Variants in SCAP observed in about 807,000 individuals in gnomAD.
The protein encoded by SCAP is SREBF chaperone, also known as sterol regulatory element-binding protein cleavage-activating protein.
A neutral mutation model predicts 123.6 loss-of-function variants in SCAP; 65 were observed. The observed-to-expected ratio is 0.53, with a 90% confidence interval of 0.43 to 0.65. SCAP has a LOEUF of 0.65. Ranked by LOEUF, SCAP falls within the 30% of genes least tolerant of loss-of-function variation. The pLI is 0.00. For synonymous variants in SCAP, 740 were observed against 726.3 expected (o/e 1.02, Z -0.30); for missense variants, 1,398 against 1,712.5 (o/e 0.82, Z 3.24).
intron 1 of SCAP, among the ~76,000 whole-genome samples, chr3:47,465,750 C>A (rs1339089215): frequency 6.8e-6 from 1 of 147,582 alleles, no homozygotes; most frequent in East Asian, 2.0e-4. Flanking sequence ...GCCTAGGTGA[C>A]AGAGCAAGAC....
At chr3:47,437,735 C>A (rs951779784) in intron 2 of SCAP, among the ~76,000 whole-genome samples, 7 of 151,880 alleles carry the variant, frequency 4.6e-5, no homozygotes, top group Admixed American at 4.6e-4. Context: ...GAGTGAGACC[C>A]CCGTCTCAAA....
At chr3:47,443,670 G>A (rs1036963676) in intron 1 of SCAP, among the ~76,000 whole-genome samples, 3 of 152,162 alleles carry the variant, frequency 2.0e-5, no homozygotes, top group Non-Finnish European at 2.9e-5. Context: ...ATTCACTCTG[G>A]TAGAACTCTC....
At chr3:47,424,724 G>A (rs777022777) in intron 8 of SCAP, among the ~76,000 whole-genome samples, 3 of 152,206 alleles carry the variant, frequency 2.0e-5, no homozygotes, top group Non-Finnish European at 4.4e-5. Context: ...GTCAAGCTCA[G>A]GAAAGGGAGC....
At chr3:47,455,427 T>G (rs1361368011) in intron 1 of SCAP, among the ~76,000 whole-genome samples, 5 of 151,098 alleles carry the variant, frequency 3.3e-5, no homozygotes, top group Non-Finnish European at 7.4e-5. Flanking sequence ...AAACCCCGTC[T>G]CTACTAAAAA....
At chr3:47,427,081 A>G in intron 6 of SCAP, 76 bp downstream of exon 6, 3 of 1,052,388 alleles carry the variant, frequency 2.9e-6, no homozygotes, top group South Asian at 2.6e-5. Flanking sequence ...AGAACACTCT[A>G]ACCAGAAGAG....
At chr3:47,418,585 C>A in intron 14 of SCAP, 63 bp from the exon 15 acceptor site, 1 of 1,544,642 alleles carries the variant, frequency 6.5e-7, no homozygotes, top group South Asian at 1.2e-5. Flanking sequence ...CCTCCTCCCT[C>A]TCCCCTACTC....
At chr3:47,418,872 G>A (rs758408675) in intron 13 of SCAP, 29 bp from the exon 14 acceptor site, 50 of 1,491,306 alleles carry the variant, frequency 3.4e-5, no homozygotes, top group South Asian at 1.2e-4. Flanking sequence ...CAGCCTCAGC[G>A]GGGGGCCTCC....
Position 47,427,174 on chromosome 3 carries a change from G to C in SCAP, c.720C>G (p.Phe240Leu). The change falls in exon 6 of 23, where the codon TTC becomes TTG. Residue 240 changes from phenylalanine (F) to leucine (L), a missense_variant. By Grantham distance (22) the Phe-to-Leu change is conservative. Around this residue, in one of 7 missense-constraint regions of SCAP, gnomAD observed 319 missense variants for 432.4 expected, o/e 0.74. Coordinates refer to ENST00000265565, the MANE Select transcript of SCAP (RefSeq NM_012235.4). ...RMVSYTITLV[F>L]QHYHAKFLGS... ...AATCTTACTTGGCATGGTAGTGCTG[G>C]AAGACCAGGGTGATGGTGTAGGAGA... 6.2e-7 allele frequency: 1 copy of C among 1,613,566 alleles called. No homozygotes were observed. Among genetic ancestry groups the C allele is most frequent in the Admixed American group, 1.7e-5 (1 of 60,004 alleles).
At chr3:47,454,516 C>T (rs1195689589) in intron 1 of SCAP, among the ~76,000 whole-genome samples, 3 of 151,928 alleles carry the variant, frequency 2.0e-5, no homozygotes, top group Non-Finnish European at 4.4e-5. Flanking sequence ...CGTTTGAGGT[C>T]AGGAGTTCGA....
In SCAP at chr3:47,419,659, C is replaced by T. The variant is rs1705803301; in HGVS notation, c.1609G>A (p.Ala537Thr). 1 of 1,558,262 alleles carries T rather than the reference C, an allele frequency of 6.4e-7. No homozygotes were observed. The highest frequency in any genetic ancestry group is 1.4e-5 in the African/African-American group (1 of 73,602). ...WIGILVYTDP[A>T]GLRNYLAAQV... is the part of the protein sequence containing the mutation. ...GCAGCGAGGTAGTTGCGCAGCCCTG[C>T]TGGGTCTGTGTATACCAGGATGCCA... Residue 537 changes from alanine to threonine, a missense_variant, in exon 13 of 23, where the codon GCA becomes ACA. By Grantham distance (58) the Ala-to-Thr change is moderately conservative. Transcript: ENST00000265565. The surrounding 1 kb of genome is among the most constrained non-coding windows in gnomAD (Gnocchi z 5.0).
At chr3:47,432,916 G>A (rs555128135) in intron 3 of SCAP, among the ~76,000 whole-genome samples, 1 of 152,326 alleles carries the variant, frequency 6.6e-6, no homozygotes, top group South Asian at 2.1e-4. Flanking sequence ...TAGCCATAGG[G>A]CTTGGGAAGG....
In SCAP at chr3:47,419,336, C is replaced by T; in HGVS notation, c.1932G>A (p.Leu644=). The T allele has an allele frequency of 6.2e-7, 1 of 1,609,608 alleles. No individual in the cohort carries two copies. Among genetic ancestry groups the T allele is most frequent in the Non-Finnish European group, 8.5e-7 (1 of 1,177,478 alleles). ...GGCACGGCCCAGCTCACCTCTTGGC[C>T]AGTGTGATGTTGTAATAGCTGAAGA... is the stretch of plus-strand genomic sequence containing the variant. The part of the protein sequence containing the change: ...PTLFSYYNIT[L]AKRYISLLPV... Residue 644 remains leucine, a synonymous_variant, in exon 13 of 23, where the codon CTG becomes CTA. Coordinates refer to ENST00000265565, the MANE Select transcript of SCAP (RefSeq NM_012235.4). This position sits in a 1 kb window ranked among gnomAD's most constrained non-coding sequence, Gnocchi z 5.0.
chr3:47,455,062 C>CATATATATATAT (rs58460988), intron 1 of SCAP, among the ~76,000 whole-genome samples: 11 of 127,964 alleles, frequency 8.6e-5, no homozygotes, highest in East Asian at 6.2e-4. Flanking sequence ...AAAAAAATTA[C>CATATATATATAT]ATATATATAT....
At chr3:47,428,760 A>G in intron 3 of SCAP, 90 bp from the exon 4 acceptor site, 1 of 1,403,486 alleles carries the variant, frequency 7.1e-7, no homozygotes, top group South Asian at 1.3e-5. Flanking sequence ...GGGCATTGGA[A>G]ACCGTGCCCC....
intron 10 of SCAP, among the ~76,000 whole-genome samples, chr3:47,421,743 T>C (rs189265314): frequency 6.6e-6 from 1 of 152,398 alleles, no homozygotes; most frequent in East Asian, 1.9e-4. Context: ...CCATCTGTTC[T>C]CTGCTCACCC....
At chr3:47,442,822 A>T in intron 2 of SCAP, 50 bp downstream of exon 2, 2 of 1,553,896 alleles carry the variant, frequency 1.3e-6, no homozygotes, top group Non-Finnish European at 1.8e-6. Context: ...TAGAAAACCT[A>T]CTGTCCTAAG....
chr3:47,474,824 T>C (rs1708205641), intron 1 of SCAP, among the ~76,000 whole-genome samples: 1 of 152,026 alleles, frequency 6.6e-6, no homozygotes, highest in South Asian at 2.1e-4. Flanking sequence ...AACAAGTCTT[T>C]AGGCATCACT....
At chr3:47,469,782 C>G in intron 1 of SCAP, 1 of 529,688 alleles carries the variant, frequency 1.9e-6, no homozygotes, top group Non-Finnish European at 3.7e-6. Flanking sequence ...AACTTATATT[C>G]ATTGCTCAAC....
At chr3:47,461,296 A>G (rs1406083628) in intron 1 of SCAP, among the ~76,000 whole-genome samples, 1 of 152,210 alleles carries the variant, frequency 6.6e-6, no homozygotes, top group African/African-American at 2.4e-5. Context: ...AGTCTAAAAA[A>G]CAAAGATTTT....
Sources: allele counts gnomAD v4.1 joint callset (sites outside exome capture counted in the v4.1 genomes callset), GRCh38; gene constraint gnomAD v4.1.1; regional missense constraint gnomAD v4.1.1; non-coding constraint Gnocchi (gnomAD v3.1); transcripts MANE v1.5; gene names NCBI Gene and HGNC (gene_info 2026-07-23, HGNC 2026-07-21).